GPR158: variants seen among roughly 807,000 people sequenced by gnomAD.
GPR158 encodes G protein-coupled receptor 158, also known as metabotropic glycine receptor.
GPR158 carries 30 observed loss-of-function variants against 78.2 expected under a neutral mutation model. The observed-to-expected ratio is 0.38, with a 90% CI of 0.29 to 0.52. GPR158 has a LOEUF of 0.52. Ranked by LOEUF, GPR158 falls within the 20% of genes least tolerant of loss-of-function variation. The probability of loss-of-function intolerance (pLI) is 0.83; values close to 1 mark genes in which losing one functional copy is unlikely to be tolerated. For missense variants in GPR158, 1,463 were observed against 1,523.5 expected (o/e 0.96, Z 0.66); for synonymous variants, 581 against 591.1 (o/e 0.98, Z 0.25).
chr10:25,351,578 G>A (rs976110875), intron 2 of GPR158, among the ~76,000 whole-genome samples: 21 of 151,958 alleles, frequency 1.4e-4, no homozygotes, highest in Middle Eastern at 3.4e-3. Flanking sequence ...AGATAAAGGA[G>A]TAACTCTCTC....
At chr10:25,303,609 T>A (rs894001708) in intron 2 of GPR158, among the ~76,000 whole-genome samples, 1 of 152,236 alleles carries the variant, frequency 6.6e-6, no homozygotes, top group African/African-American at 2.4e-5. Context: ...ATATGAACAT[T>A]GTCTTTCTTG....
Position 25,176,600 on chromosome 10 carries a change from C to T in GPR158, c.902+278C>T, listed in dbSNP as rs904449089. ...GAGGGACAGGCAGCCCTTGGCAGGA[C>T]GGAGACACCCCCGCTGCTCTGTGCT... On this transcript the variant is annotated intron_variant, in intron 1 of 10. Coordinates refer to ENST00000376351, the MANE Select transcript of GPR158 (RefSeq NM_020752.3). This position sits in a 1 kb window ranked among gnomAD's most constrained non-coding sequence, Gnocchi z 6.3. 1.3e-5 allele frequency among the ~76,000 whole-genome samples: 2 copies of T among 152,220 alleles called. No individual in the cohort carries two copies. The highest frequency in any genetic ancestry group is 4.8e-5 in the African/African-American group (2 of 41,476).
intron 4 of GPR158, among the ~76,000 whole-genome samples, chr10:25,436,898 G>A (rs1280096485): frequency 1.3e-5 from 2 of 152,142 alleles, no homozygotes; most frequent in Admixed American, 1.3e-4. Flanking sequence ...ACAATCTTTG[G>A]AATAGATAGA....
chr10:25,585,305 AATCTT>A (rs1204216775), intron 7 of GPR158, among the ~76,000 whole-genome samples: 3 of 152,182 alleles, frequency 2.0e-5, no homozygotes, highest in African/African-American at 7.2e-5. Context: ...TTATTTACTA[AATCTT>A]ATCTACATTG....
intron 6 of GPR158, among the ~76,000 whole-genome samples, chr10:25,569,590 A>G (rs569351427): frequency 6.6e-6 from 1 of 152,308 alleles, no homozygotes; most frequent in East Asian, 1.9e-4. Flanking sequence ...TGAGAACCAA[A>G]CTTTGCTTCC....
At chr10:25,362,883 A>G (rs1031191304) in intron 2 of GPR158, among the ~76,000 whole-genome samples, 3 of 151,848 alleles carry the variant, frequency 2.0e-5, no homozygotes, top group African/African-American at 7.2e-5. Context: ...TGCTTTTTAT[A>G]TATTTTTTAA....
At chr10:25,344,902 G>A (rs1156289735) in intron 2 of GPR158, among the ~76,000 whole-genome samples, 1 of 151,976 alleles carries the variant, frequency 6.6e-6, no homozygotes, top group African/African-American at 2.4e-5. Context: ...TTCATAAAAA[G>A]TGACTTCTCA....
At chr10:25,200,070 A>G (rs1332567012) in intron 1 of GPR158, among the ~76,000 whole-genome samples, 1 of 152,124 alleles carries the variant, frequency 6.6e-6, no homozygotes, top group African/African-American at 2.4e-5. Context: ...TTTTGTTTTA[A>G]GTGTTTTGAG....
intron 6 of GPR158, among the ~76,000 whole-genome samples, chr10:25,554,144 G>T (rs1459008448): frequency 6.6e-6 from 1 of 152,152 alleles, no homozygotes; most frequent in Non-Finnish European, 1.5e-5. Flanking sequence ...GCTGATCCAG[G>T]ATAGCTTGAG....
chr10:25,431,524 G>A (rs1347183748), intron 4 of GPR158, among the ~76,000 whole-genome samples: 2 of 143,160 alleles, frequency 1.4e-5, no homozygotes, highest in Non-Finnish European at 3.1e-5. Context: ...TACCCAAATG[G>A]CTATAAATCA....
intron 5 of GPR158, among the ~76,000 whole-genome samples, chr10:25,515,930 C>T (rs1013891932): frequency 2.2e-4 from 33 of 151,650 alleles, no homozygotes; most frequent in African/African-American, 8.0e-4. Flanking sequence ...TTCTAGATCC[C>T]TGAGGAATCA....
intron 1 of GPR158, among the ~76,000 whole-genome samples, chr10:25,181,642 A>C (rs1262974320): frequency 6.6e-6 from 1 of 152,204 alleles, no homozygotes; most frequent in Non-Finnish European, 1.5e-5. Flanking sequence ...CTGTAAATTG[A>C]GAAGGTTGGA....
At position 25,175,838 on chromosome 10, in the gene GPR158, C is replaced by T. The variant is rs1219679931; in HGVS notation, c.418C>T (p.Leu140=). The T allele has an allele frequency of 6.2e-7, 1 of 1,613,550 alleles. No individual in the cohort carries two copies. The highest frequency in any genetic ancestry group is 8.5e-7 in the Non-Finnish European group (1 of 1,180,000). ...CGCCACCAACTTCCTCAACGTGATG[C>T]TGCAGAGCAATAAGTCGCGGGAGCA... The part of the protein sequence containing the change: ...THATNFLNVM[L]QSNKSREQNL... Residue 140 remains leucine (L), a synonymous_variant, in exon 1 of 11, where the codon CTG becomes TTG. Coordinates refer to ENST00000376351, the MANE Select transcript of GPR158 (RefSeq NM_020752.3). The surrounding 1 kb of genome is among the most constrained non-coding windows in gnomAD (Gnocchi z 6.4).
At chr10:25,550,887 A>G (rs2130712284) in intron 5 of GPR158, 89 bp from the exon 6 acceptor site, 1 of 747,488 alleles carries the variant, frequency 1.3e-6, no homozygotes, top group Non-Finnish European at 2.5e-6. Flanking sequence ...CAAAATTCAT[A>G]TGTATGAAAC....
intron 2 of GPR158, among the ~76,000 whole-genome samples, chr10:25,243,287 A>C (rs778927108): frequency 1.3e-5 from 2 of 152,150 alleles, no homozygotes; most frequent in Non-Finnish European, 2.9e-5. Context: ...TCAAGACCTA[A>C]CACCTCACTG....
chr10:25,266,139 C>T (rs1030382621), intron 2 of GPR158, among the ~76,000 whole-genome samples: 2 of 152,152 alleles, frequency 1.3e-5, no homozygotes, highest in African/African-American at 2.4e-5. Flanking sequence ...GATCTCAGCT[C>T]AGTCTTCATG....
chr10:25,367,252 AT>A (rs1564434500), intron 2 of GPR158, among the ~76,000 whole-genome samples: 1 of 151,624 alleles, frequency 6.6e-6, no homozygotes, highest in Non-Finnish European at 1.5e-5. Flanking sequence ...TGAAAAGACT[AT>A]GTTTTTTTCC....
At chr10:25,177,895 C>T (rs1452035265) in intron 1 of GPR158, among the ~76,000 whole-genome samples, 1 of 152,130 alleles carries the variant, frequency 6.6e-6, no homozygotes, top group Non-Finnish European at 1.5e-5. Flanking sequence ...ATCTCATTTC[C>T]TCCTAATTCC....
intron 4 of GPR158, among the ~76,000 whole-genome samples, chr10:25,422,628 C>CA (rs10634150): frequency 0.31 from 43,886 of 143,078 alleles, 7,411 homozygotes; most frequent in African/African-American, 0.47. Flanking sequence ...ATTGTATTTG[C>CA]AAAAAAAAAA....
Sources: gnomAD v4.1 joint callset for allele counts (sites outside exome capture counted in the v4.1 genomes callset) on GRCh38, gnomAD v4.1.1 for gene constraint, Gnocchi (gnomAD v3.1) non-coding constraint, MANE v1.5 for transcripts, NCBI Gene and HGNC (gene_info 2026-07-23, HGNC 2026-07-21) for gene names.